Variants in TXNRD3 observed in about 807,000 individuals in gnomAD.
The protein encoded by TXNRD3 is thioredoxin reductase 3.
A neutral mutation model predicts 78.2 loss-of-function variants in TXNRD3; 68 were observed. That is an observed-to-expected ratio of 0.87 (90% CI 0.72 to 1.06). The LOEUF is 1.06. Ranked by LOEUF, TXNRD3 falls within the 50% of genes least tolerant of loss-of-function variation. TXNRD3 has a pLI of 0.00. For synonymous variants in TXNRD3, 296 were observed against 300.1 expected (o/e 0.99, Z 0.14); for missense variants, 751 against 809.5 (o/e 0.93, Z 0.88).
Position 126,621,820 on chromosome 3 carries a change from A to C in TXNRD3, c.1446T>G (p.Asp482Glu). ...TGGCGACAGGAGTGAGCTCTGGCTTATCCTCCAAAATATCACCAACAGCAT... is the reference window on the plus strand; with the variant it reads ...TGGCGACAGGAGTGAGCTCTGGCTTCTCCTCCAAAATATCACCAACAGCAT... The change falls in exon 12 of 16, where the codon GAT (aspartate) becomes GAG (glutamate). Residue 482 changes from aspartate (D) to glutamate (E), a missense_variant. Asp to Glu is a conservative substitution (Grantham distance 45). Transcript: ENST00000524230. 6.5e-7 allele frequency: 1 copy of C among 1,535,828 alleles called. No individual in the cohort carries two copies. The highest frequency in any genetic ancestry group is 8.7e-7 in the Non-Finnish European group (1 of 1,146,804).
intron 13 of TXNRD3, among the ~76,000 whole-genome samples, chr3:126,613,266 G>A (rs1938238030): frequency 6.8e-6 from 1 of 146,924 alleles, no homozygotes; most frequent in Admixed American, 6.9e-5. Context: ...TTCCTATTTA[G>A]GCTTTATTTA....
intron 10 of TXNRD3, chr3:126,624,967 G>C (rs555106463): frequency 1.1e-3 from 216 of 188,046 alleles, no homozygotes; most frequent in Non-Finnish European, 2.0e-3. Flanking sequence ...ATATTTAATA[G>C]GCATGTGGAA....
intron 15 of TXNRD3, among the ~76,000 whole-genome samples, 194 bp from the exon 16 acceptor site, chr3:126,608,167 C>T (rs1239478593): frequency 6.6e-6 from 1 of 151,656 alleles, no homozygotes; most frequent in Admixed American, 6.6e-5. Context: ...TCGAGACCAC[C>T]CTGGCCAACA....
intron 10 of TXNRD3, among the ~76,000 whole-genome samples, chr3:126,623,541 C>A (rs1480026984): frequency 6.6e-6 from 1 of 152,110 alleles, no homozygotes; most frequent in Non-Finnish European, 1.5e-5. Context: ...TTTGGTTTAA[C>A]ATACAAAAAT....
intron 3 of TXNRD3, among the ~76,000 whole-genome samples, chr3:126,645,263 C>A (rs771068113): frequency 1.2e-4 from 19 of 152,186 alleles, no homozygotes; most frequent in Admixed American, 2.6e-4. Flanking sequence ...AATCTGCCAT[C>A]CAAGAAATAT....
At chr3:126,628,803 G>C (rs1017969992) in intron 10 of TXNRD3, among the ~76,000 whole-genome samples, 1 of 151,858 alleles carries the variant, frequency 6.6e-6, no homozygotes, top group African/African-American at 2.4e-5. Flanking sequence ...GTTGATTTTT[G>C]GATTTTGGTT....
chr3:126,616,725 T>C (rs933754075), intron 12 of TXNRD3, among the ~76,000 whole-genome samples: 1 of 152,092 alleles, frequency 6.6e-6, no homozygotes, highest in African/African-American at 2.4e-5. Flanking sequence ...CTCCCTCAAT[T>C]TGCCTAGTTT....
intron 14 of TXNRD3, among the ~76,000 whole-genome samples, chr3:126,609,930 G>T (rs1283732988): frequency 1.3e-5 from 2 of 152,170 alleles, no homozygotes; most frequent in Non-Finnish European, 1.5e-5. Context: ...GCCCACAACT[G>T]CCAAAAATTG....
At chr3:126,617,775 G>C (rs1938351084) in intron 12 of TXNRD3, among the ~76,000 whole-genome samples, 1 of 152,142 alleles carries the variant, frequency 6.6e-6, no homozygotes, top group Non-Finnish European at 1.5e-5. Context: ...TGGGAAAACA[G>C]GAAGTGAAAC....
intron 8 of TXNRD3, 95 bp from the exon 9 acceptor site, chr3:126,631,032 T>G: frequency 8.3e-7 from 1 of 1,200,170 alleles, no homozygotes; most frequent in East Asian, 2.6e-5. Flanking sequence ...ATGACTGAAT[T>G]ATAATTTAGT....
intron 12 of TXNRD3, among the ~76,000 whole-genome samples, chr3:126,619,364 A>G (rs1938389955): frequency 6.6e-6 from 1 of 152,208 alleles, no homozygotes; most frequent in Non-Finnish European, 1.5e-5. Context: ...ACACAATTAA[A>G]TACTATTCAG....
At chr3:126,632,807 C>G (rs1938754613) in intron 7 of TXNRD3, among the ~76,000 whole-genome samples, 2 of 152,106 alleles carry the variant, frequency 1.3e-5, no homozygotes. Context: ...GAGAAAGAGC[C>G]TTGCTTAGAA....
At chr3:126,623,859 A>AAG (rs1938510585) in intron 10 of TXNRD3, among the ~76,000 whole-genome samples, 1 of 146,866 alleles carries the variant, frequency 6.8e-6, no homozygotes, top group Non-Finnish European at 1.5e-5. Flanking sequence ...GGCCAAAAAA[A>AAG]AAAAAAAAAA....
intron 12 of TXNRD3, among the ~76,000 whole-genome samples, chr3:126,616,056 G>A (rs1229239689): frequency 6.6e-6 from 1 of 152,198 alleles, no homozygotes; most frequent in Non-Finnish European, 1.5e-5. Flanking sequence ...CTATAGTCCA[G>A]GGGTTAAGAA....
chr3:126,621,846 A>G lies in TXNRD3; in HGVS notation c.1420T>C (p.Tyr474His), dbSNP rs1465875454. The G allele has an allele frequency of 7.2e-6, 11 of 1,535,266 alleles. No individual in the cohort carries two copies. The East Asian group carries it at 1.7e-4, about 24-fold the overall frequency. ...TCCTCCAAAATATCACCAACAGCAT[A>G]GACATATGGCACATTGGTCTGTTCC... Residue 474 changes from tyrosine to histidine, a missense_variant, in exon 12 of 16, where the codon TAT becomes CAT. Coordinates refer to ENST00000524230, the MANE Select transcript of TXNRD3 (RefSeq NM_052883.3).
At chr3:126,626,239 T>C (rs549701086) in intron 10 of TXNRD3, among the ~76,000 whole-genome samples, 1 of 152,240 alleles carries the variant, frequency 6.6e-6, no homozygotes, top group Admixed American at 6.5e-5. Flanking sequence ...ACCTTTGGGT[T>C]AGCAAAGATT....
At chr3:126,622,978 G>C (rs916782010) in intron 10 of TXNRD3, among the ~76,000 whole-genome samples, 1 of 152,084 alleles carries the variant, frequency 6.6e-6, no homozygotes, top group South Asian at 2.1e-4. Flanking sequence ...ACAAGCCTAG[G>C]AGAGAGGCCT....
At chr3:126,616,029 A>G (rs1716617) in intron 12 of TXNRD3, among the ~76,000 whole-genome samples, 30,395 of 152,122 alleles carry the variant, frequency 0.2, 3,300 homozygotes, top group Admixed American at 0.29. Flanking sequence ...AGGGACAAGG[A>G]TGACCACAGG....
At chr3:126,613,670 T>C (rs1327988012) in intron 13 of TXNRD3, among the ~76,000 whole-genome samples, 3 of 152,254 alleles carry the variant, frequency 2.0e-5, no homozygotes, top group African/African-American at 7.2e-5. Flanking sequence ...AGTGACGTTA[T>C]AGCCATTGTA....
Sources: gnomAD v4.1 joint callset for allele counts (sites outside exome capture counted in the v4.1 genomes callset) on GRCh38, gnomAD v4.1.1 for gene constraint, MANE v1.5 for transcripts, NCBI Gene and HGNC (gene_info 2026-07-23, HGNC 2026-07-21) for gene names.